The following CHD6 variants were observed in gnomAD, a reference collection of about 807,000 sequenced individuals.
CHD6 encodes the protein ATP-dependent chromatin remodeler CHD6.
CHD6 carries 50 observed loss-of-function variants against 276.9 expected under a neutral mutation model. The observed-to-expected ratio is 0.18, with a 90% CI of 0.14 to 0.23. The LOEUF (loss-of-function observed/expected upper bound fraction) is 0.23. Among genes scored for constraint, CHD6 ranks in the 10% least tolerant of loss-of-function variants. The pLI, the probability that CHD6 is intolerant of heterozygous loss-of-function variation, is 1.00. For synonymous variants in CHD6, 1,173 were observed against 1,229.3 expected (o/e 0.95, Z 0.96); for missense variants, 2,564 against 3,365.8 (o/e 0.76, Z 5.89).
intron 3 of CHD6, among the ~76,000 whole-genome samples, chr20:41,532,753 A>G (rs1326888382): frequency 3.3e-5 from 5 of 152,226 alleles, no homozygotes; most frequent in Non-Finnish European, 4.4e-5. Flanking sequence ...AAGACCAAAA[A>G]GAATGGTTGG....
chr20:41,618,273 G>C (rs987477665), intron 1 of CHD6, 67 bp downstream of exon 1: 4 of 151,892 alleles, frequency 2.6e-5, no homozygotes, highest in African/African-American at 9.7e-5. Flanking sequence ...GCGGGGCCGG[G>C]GACCCGCGGA....
At chr20:41,430,854 A>ATTTTTTTTTT (rs61590579) in intron 27 of CHD6, among the ~76,000 whole-genome samples, 1 of 127,606 alleles carries the variant, frequency 7.8e-6, no homozygotes, top group Non-Finnish European at 1.6e-5. Context: ...CAGAACATGA[A>ATTTTTTTTTT]TTTTTTTTTT....
At chr20:41,435,338 G>A (rs1304475597) in intron 27 of CHD6, among the ~76,000 whole-genome samples, 2 of 152,282 alleles carry the variant, frequency 1.3e-5, no homozygotes, top group Admixed American at 1.3e-4. Context: ...GCTCATGCCT[G>A]TAATTCCAGC....
chr20:41,433,108 A>G (rs938033009), intron 27 of CHD6, among the ~76,000 whole-genome samples: 5 of 152,002 alleles, frequency 3.3e-5, no homozygotes, highest in Admixed American at 2.0e-4. Flanking sequence ...ACAGAGCCTT[A>G]GAGACCCACA....
intron 25 of CHD6, among the ~76,000 whole-genome samples, chr20:41,442,055 C>T (rs564382302): frequency 8.5e-5 from 13 of 152,262 alleles, no homozygotes; most frequent in African/African-American, 2.6e-4. Context: ...AAAAACTAAG[C>T]CAATGCTAAT....
intron 2 of CHD6, among the ~76,000 whole-genome samples, chr20:41,535,165 G>T (rs1045808672): frequency 1.3e-5 from 2 of 152,070 alleles, no homozygotes; most frequent in Non-Finnish European, 2.9e-5. Flanking sequence ...TCATGTCCAG[G>T]ACCCTTTTCT....
At chr20:41,490,945 A>T (rs546500103) in intron 11 of CHD6, among the ~76,000 whole-genome samples, 1 of 152,164 alleles carries the variant, frequency 6.6e-6, no homozygotes. Flanking sequence ...AGAACTAAAA[A>T]ATAAACATTA....
chr20:41,471,145 A>G (rs2043042844), intron 17 of CHD6, among the ~76,000 whole-genome samples: 2 of 152,192 alleles, frequency 1.3e-5, no homozygotes, highest in South Asian at 4.1e-4. Context: ...TGTTGCAACT[A>G]CTCAATTCTG....
chr20:41,448,277 C>A (rs1279870953), intron 23 of CHD6, among the ~76,000 whole-genome samples: 5 of 152,188 alleles, frequency 3.3e-5, no homozygotes, highest in African/African-American at 7.2e-5. Flanking sequence ...GCCACAGTGA[C>A]CTCTTAGGCA....
At chr20:41,555,036 G>A (rs1481119047) in intron 1 of CHD6, among the ~76,000 whole-genome samples, 46 of 148,822 alleles carry the variant, frequency 3.1e-4, no homozygotes, top group African/African-American at 9.9e-4. Context: ...CCTCCCGGAC[G>A]GGGCGGCTGG....
intron 25 of CHD6, among the ~76,000 whole-genome samples, chr20:41,444,497 G>A (rs1600871284): frequency 6.6e-6 from 1 of 152,158 alleles, no homozygotes; most frequent in Non-Finnish European, 1.5e-5. Context: ...TTGACAAAGG[G>A]TTCTCAGCAG....
At chr20:41,574,226 CT>C (rs1461853373) in intron 1 of CHD6, among the ~76,000 whole-genome samples, 1 of 152,040 alleles carries the variant, frequency 6.6e-6, no homozygotes, top group African/African-American at 2.4e-5. Context: ...TTATGTACTT[CT>C]TTGTATGTTA....
chr20:41,484,551 A>G lies in CHD6; in HGVS notation c.2058T>C (p.Asp686=). 6.2e-7 allele frequency: 1 copy of G among 1,613,774 alleles called. No individual in the cohort carries two copies. The highest frequency in any genetic ancestry group is 8.5e-7 in the Non-Finnish European group (1 of 1,179,812). ...KPMMLRRLKD[D]VEKNLAPKQE... ...GTTTGGGAGCAAGGTTCTTTTCCAC[A>G]TCATCTTTCAGCCGCCGAAGCATCA... The change falls in exon 15 of 37, where the codon GAT becomes GAC. Residue 686 remains aspartate, a synonymous_variant. Coordinates refer to ENST00000373233, the MANE Select transcript of CHD6 (RefSeq NM_032221.5).
At chr20:41,442,362 A>G (rs1180005574) in intron 25 of CHD6, among the ~76,000 whole-genome samples, 1 of 152,140 alleles carries the variant, frequency 6.6e-6, no homozygotes, top group East Asian at 1.9e-4. Flanking sequence ...TGAGGTGGAC[A>G]GATCACCTGA....
rs959141683 is a variant in CHD6 at position 41,556,135 on chromosome 20, G to A, written c.-23-4775C>T. Among the ~76,000 whole-genome samples, 9 of 152,092 alleles carry A rather than the reference G, an allele frequency of 5.9e-5. No homozygotes were observed. In the South Asian group the frequency reaches 6.2e-4, roughly 11 times the overall value. On this transcript the variant is annotated intron_variant, in intron 1 of 36. Transcript: ENST00000373233. ...GGCGTGGCGGCGCGCACCTGCAATC[G>A]CAGGCACTCGGCAGGCTGAGGCAGG... is the stretch of plus-strand genomic sequence containing the variant.
At chr20:41,477,887 T>C (rs1269742329) in intron 16 of CHD6, among the ~76,000 whole-genome samples, 1 of 152,160 alleles carries the variant, frequency 6.6e-6, no homozygotes, top group Admixed American at 6.5e-5. Flanking sequence ...ACCCCAGCCT[T>C]GAAGAGGGTA....
At chr20:41,512,369 G>C (rs1011032942) in intron 5 of CHD6, among the ~76,000 whole-genome samples, 1 of 151,884 alleles carries the variant, frequency 6.6e-6, no homozygotes, top group East Asian at 1.9e-4. Flanking sequence ...AGTACACAAG[G>C]GGCTGAAACA....
At chr20:41,462,183 T>C (rs2042817526) in intron 17 of CHD6, among the ~76,000 whole-genome samples, 1 of 152,236 alleles carries the variant, frequency 6.6e-6, no homozygotes, top group Admixed American at 6.5e-5. Context: ...CATGAGGTCA[T>C]ACTGATATTT....
At chr20:41,598,330 T>C (rs1268966510) in intron 1 of CHD6, among the ~76,000 whole-genome samples, 10 of 152,132 alleles carry the variant, frequency 6.6e-5, no homozygotes, top group Non-Finnish European at 1.3e-4. Context: ...TACAATGCAA[T>C]GGCTCCCAAA....
Sources: gnomAD v4.1 joint callset for allele counts (sites outside exome capture counted in the v4.1 genomes callset) on GRCh38, gnomAD v4.1.1 for gene constraint, MANE v1.5 for transcripts, NCBI Gene and HGNC (gene_info 2026-07-23, HGNC 2026-07-21) for gene names.